Variants in ESPL1 observed in about 807,000 individuals in gnomAD.
The protein encoded by ESPL1 is extra spindle pole bodies like 1, separase.
In ESPL1, 50 loss-of-function variants were observed where a neutral mutation model predicts 217.2. That is an observed-to-expected ratio of 0.23 (90% CI 0.18 to 0.29). ESPL1 has a LOEUF of 0.29. ESPL1 is among the 10% of genes least tolerant of loss of function. The pLI is 1.00. For missense variants in ESPL1, 1,834 were observed against 2,603.0 expected, an observed-to-expected ratio of 0.70 and a Z score of 6.43; for synonymous variants, 994 against 1,081.3, an observed-to-expected ratio of 0.92 and a Z score of 1.58.
intron 17 of ESPL1, among the ~76,000 whole-genome samples, chr12:53,284,379 C>A (rs1943911168): frequency 6.6e-6 from 1 of 152,128 alleles, no homozygotes; most frequent in African/African-American, 2.4e-5. Context: ...TTCAGCCTCC[C>A]AAGTAGCTGG....
Position 53,274,812 on chromosome 12 carries a change from G to C in ESPL1, c.1507-5G>C. The C allele has an allele frequency of 6.2e-7, 1 of 1,613,316 alleles. No homozygotes were observed. The highest frequency in any genetic ancestry group is 8.5e-7 in the Non-Finnish European group (1 of 1,179,514). The stretch of plus-strand genomic sequence containing the variant: ...CAGTTTGGTCTGTTCCCTTTCTCTG[G>C]TCAGTTGCACAGGTGCTTCCGGCTA... On this transcript the variant is annotated splice_region_variant and splice_polypyrimidine_tract_variant and intron_variant, in intron 6 of 30. Coordinates refer to ENST00000257934, the MANE Select transcript of ESPL1 (RefSeq NM_012291.5).
rs1184139314 is a variant in ESPL1, at chr12:53,282,320, G to A, written c.2676G>A (p.Lys892=). The A allele has an allele frequency of 6.8e-6, 11 of 1,614,024 alleles. No homozygotes were observed. The highest frequency in any genetic ancestry group is 8.5e-6 in the Non-Finnish European group (10 of 1,180,032). The part of the protein sequence containing the change: ...LSVLRDPALQ[K]SSKAWYLLRV... ...TGCTTCGGGATCCTGCCCTCCAGAA[G>A]TCCTCCAAGGCTTGGTACTTGCTGC... Residue 892 remains lysine (K), a synonymous_variant, in exon 14 of 31, where the codon AAG becomes AAA. Coordinates refer to ENST00000257934, the MANE Select transcript of ESPL1 (RefSeq NM_012291.5). The surrounding 1 kb of genome is among the most constrained non-coding windows in gnomAD (Gnocchi z 4.0).
At position 53,277,540 on chromosome 12, in the gene ESPL1, A is replaced by G; in HGVS notation, c.2156A>G (p.Tyr719Cys). Reference sequence around the variant, plus strand: ...GAATTTGAAGTCAATGACCTGAACTATGAAGATAAACTCCAGGAAGATCGT... The same window carrying G: ...GAATTTGAAGTCAATGACCTGAACTGTGAAGATAAACTCCAGGAAGATCGT... ...LEEFEVNDLN[Y>C]EDKLQEDRFL... Residue 719 changes from tyrosine (Y) to cysteine (C), a missense_variant, in exon 10 of 31, where the codon TAT becomes TGT. Coordinates refer to ENST00000257934, the MANE Select transcript of ESPL1 (RefSeq NM_012291.5). 6.2e-7 allele frequency: 1 copy of G among 1,614,182 alleles called. No individual in the cohort carries two copies. The highest frequency in any genetic ancestry group is 8.5e-7 in the Non-Finnish European group (1 of 1,180,002).
In ESPL1 at chr12:53,284,187, T is replaced by A. The variant is rs752023845; in HGVS notation, c.3187+20T>A. On this transcript the variant is annotated intron_variant, in intron 17 of 30. Coordinates refer to ENST00000257934, the MANE Select transcript of ESPL1 (RefSeq NM_012291.5). The stretch of plus-strand genomic sequence containing the variant: ...GCACAGGTGAGCAGCCATGTCCCCA[T>A]GACCATAGGCGGTGCTGAAATGACA... The A allele has an allele frequency of 6.9e-7, 1 of 1,451,800 alleles. No individual in the cohort carries two copies. Among genetic ancestry groups the A allele is most frequent in the South Asian group, 1.1e-5 (1 of 87,848 alleles). 89.9% of individuals were successfully genotyped at this position (1,451,800 alleles called of 1,614,324 possible).
chr12:53,269,724 G>A lies in ESPL1; in HGVS notation c.782G>A (p.Arg261His), dbSNP rs901209167. 3.7e-6 allele frequency: 6 copies of A among 1,614,178 alleles called. No individual in the cohort carries two copies. Among genetic ancestry groups the A allele is most frequent in the Non-Finnish European group, 5.1e-6 (6 of 1,180,040 alleles). Reference protein sequence around the residue: ...LLELTLEHCRRFCWSRHHDKA... With the variant: ...LLELTLEHCRHFCWSRHHDKA... ...GAGCTCACCTTGGAACACTGCCGTCGCTTTTGCTGGAGCCGCCACCATGAC... is the reference window on the plus strand; with the variant it reads ...GAGCTCACCTTGGAACACTGCCGTCACTTTTGCTGGAGCCGCCACCATGAC... Residue 261 changes from arginine (R) to histidine (H), a missense_variant, in exon 3 of 31, where the codon CGC (arginine) becomes CAC (histidine). Around this residue, in one of 5 missense-constraint regions of ESPL1, gnomAD observed 746 missense variants for 1,077.0 expected, o/e 0.69. Transcript: ENST00000257934. This position sits in a 1 kb window ranked among gnomAD's most constrained non-coding sequence, Gnocchi z 6.7.
At position 53,288,541 on chromosome 12, in the gene ESPL1, G is replaced by C. The variant is rs779696049; in HGVS notation, c.4550G>C (p.Gly1517Ala). ...GSDGEDSASGGKTPAPGPEAA... is the reference protein window; with the variant it reads ...GSDGEDSASGAKTPAPGPEAA... ...AAAAGGCCTGCTCTCTCCCCAGGTG[G>C]GAAGACTCCAGCTCCGGGCCCTGAG... is the stretch of plus-strand genomic sequence containing the variant. Residue 1517 changes from glycine to alanine, a missense_variant, in exon 20 of 31, where the codon GGG becomes GCG. Gly to Ala is a moderately conservative substitution (Grantham distance 60). Around this residue, in one of 5 missense-constraint regions of ESPL1, gnomAD observed 681 missense variants for 808.0 expected, o/e 0.84. Coordinates refer to ENST00000257934, the MANE Select transcript of ESPL1 (RefSeq NM_012291.5). The C allele has an allele frequency of 2.5e-6, 4 of 1,609,690 alleles. No homozygotes were observed. The highest frequency in any genetic ancestry group is 3.4e-6 in the Non-Finnish European group (4 of 1,178,546).
chr12:53,288,117 C>T lies in ESPL1; in HGVS notation c.4322C>T (p.Ala1441Val), dbSNP rs1943983295. ...GLSLKTDAVVAPGSAPGNPGL... is the reference protein window; with the variant it reads ...GLSLKTDAVVVPGSAPGNPGL... ...AGCCTAAAGACGGATGCCGTGGTTG[C>T]CCCAGGTAGTGCCCCTGGGAACCCT... Residue 1441 changes from alanine to valine, a missense_variant, in exon 19 of 31, where the codon GCC becomes GTC. Physicochemically the swap from Ala to Val is moderately conservative, Grantham distance 64. Around this residue, in one of 5 missense-constraint regions of ESPL1, gnomAD observed 681 missense variants for 808.0 expected, o/e 0.84. Transcript: ENST00000257934. 6.2e-7 allele frequency: 1 copy of T among 1,613,188 alleles called. No homozygotes were observed. Among genetic ancestry groups the T allele is most frequent in the Non-Finnish European group, 8.5e-7 (1 of 1,179,662 alleles).
chr12:53,272,084 C>T (rs565125249), intron 5 of ESPL1, among the ~76,000 whole-genome samples: 167 of 63,596 alleles, frequency 2.6e-3, no homozygotes, highest in African/African-American at 0.015. Flanking sequence ...AAGACTCTGT[C>T]TCAAAAAAAA....
At position 53,284,104 on chromosome 12, in the gene ESPL1, A is replaced by G; in HGVS notation, c.3124A>G (p.Asn1042Asp). 2 of 1,614,110 alleles carry G rather than the reference A, an allele frequency of 1.2e-6. No individual in the cohort carries two copies. The highest frequency in any genetic ancestry group is 1.7e-6 in the Non-Finnish European group (2 of 1,179,992). Reference protein sequence around the residue: ...VLKGELELARNDIDLCQSDLQ... With the variant: ...VLKGELELARDDIDLCQSDLQ... ...GAAGGGCGAGCTGGAGCTGGCCCGC[A>G]ATGACATTGATCTCTGTCAGTCGGA... Residue 1042 changes from asparagine (N) to aspartate (D), a missense_variant, in exon 17 of 31, where the codon AAT becomes GAT. Physicochemically the swap from Asn to Asp is conservative, Grantham distance 23. Transcript: ENST00000257934.
intron 5 of ESPL1, 104 bp from the exon 6 acceptor site, chr12:53,272,617 G>A: frequency 7.5e-7 from 1 of 1,331,126 alleles, no homozygotes; most frequent in Non-Finnish European, 1.0e-6. Flanking sequence ...TGATCTGGAA[G>A]CTGCTGAACT....
intron 5 of ESPL1, among the ~76,000 whole-genome samples, chr12:53,271,172 GTTTTT>G (rs1555185860): frequency 1.7e-5 from 2 of 117,754 alleles, no homozygotes; most frequent in African/African-American, 6.5e-5. Flanking sequence ...ATATTTAAGT[GTTTTT>G]TTTTTTTTTT....
chr12:53,291,821 A>G lies in ESPL1; in HGVS notation c.5652A>G (p.Thr1884=), dbSNP rs760990800. 1.0e-5 allele frequency: 16 copies of G among 1,597,460 alleles called. 1 individual carries two copies. The South Asian group carries it at 1.6e-4, about 16-fold the overall frequency. ...CAGTAGGACGTCTACAGGGCCTGACAGTACCAAGCAATAGCCACCTTGTCT... is the reference window on the plus strand; with the variant it reads ...CAGTAGGACGTCTACAGGGCCTGACGGTACCAAGCAATAGCCACCTTGTCT... ...NEAVGRLQGL[T]VPSNSHLVLV... Residue 1884 remains threonine, a synonymous_variant, in exon 26 of 31, where the codon ACA becomes ACG. Coordinates refer to ENST00000257934, the MANE Select transcript of ESPL1 (RefSeq NM_012291.5).
Position 53,269,298 on chromosome 12 carries a change from G to A in ESPL1, c.356G>A (p.Arg119His). 1.2e-6 allele frequency: 2 copies of A among 1,614,138 alleles called. No individual in the cohort carries two copies. Among genetic ancestry groups the A allele is most frequent in the Non-Finnish European group, 1.7e-6 (2 of 1,180,044 alleles). Residue 119 changes from arginine (R) to histidine (H), a missense_variant, in exon 3 of 31, where the codon CGC (arginine) becomes CAC (histidine). Transcript: ENST00000257934. The surrounding 1 kb of genome is among the most constrained non-coding windows in gnomAD (Gnocchi z 6.7). Reference protein sequence around the residue: ...AAQGSPEATLRLAQPLHACLV... With the variant: ...AAQGSPEATLHLAQPLHACLV... ...CAAGGAAGCCCAGAGGCCACACTCC[G>A]CCTTGCTCAGCCCCTCCATGCCTGC...
rs768591854 is a variant in ESPL1 at position 53,288,709 on chromosome 12, C to T, written c.4708+10C>T. On this transcript the variant is annotated intron_variant, in intron 20 of 30. Transcript: ENST00000257934. Reference sequence around the variant, plus strand: ...GCCCCCGTAGCCACTGGTGAATATGCGACCCCTGATGTTGGTCACTTGGAG... The same window carrying T: ...GCCCCCGTAGCCACTGGTGAATATGTGACCCCTGATGTTGGTCACTTGGAG... The T allele has an allele frequency of 9.3e-6, 15 of 1,604,402 alleles. No individual in the cohort carries two copies. The highest frequency in any genetic ancestry group is 4.0e-5 in the African/African-American group (3 of 74,428).
At chr12:53,275,460 C>CA (rs1203120672) in intron 7 of ESPL1, among the ~76,000 whole-genome samples, 3 of 150,642 alleles carry the variant, frequency 2.0e-5, no homozygotes, top group East Asian at 1.9e-4. Context: ...GACTCCATCT[C>CA]AAAAAAAAAG....
Position 53,293,268 on chromosome 12 carries a change from C to G in ESPL1, c.6162-5C>G, listed in dbSNP as rs778157784. On this transcript the variant is annotated splice_polypyrimidine_tract_variant and splice_region_variant and intron_variant, in intron 30 of 30. Coordinates refer to ENST00000257934, the MANE Select transcript of ESPL1 (RefSeq NM_012291.5). The surrounding 1 kb of genome is among the most constrained non-coding windows in gnomAD (Gnocchi z 4.2). The stretch of plus-strand genomic sequence containing the variant: ...ACTTTGTATTTCCTCCTTTTCTTTT[C>G]CCAGCCCCTTGTTTCTGGGTAATCT... 6.2e-7 allele frequency: 1 copy of G among 1,611,976 alleles called. No individual in the cohort carries two copies. Among genetic ancestry groups the G allele is most frequent in the Non-Finnish European group, 8.5e-7 (1 of 1,178,362 alleles).
chr12:53,278,811 G>A (rs1943814803), intron 11 of ESPL1, among the ~76,000 whole-genome samples: 1 of 151,790 alleles, frequency 6.6e-6, no homozygotes, highest in South Asian at 2.1e-4. Flanking sequence ...GGCCGGTCTC[G>A]ATCTCCTCAG....
chr12:53,291,569 C>T (rs1029924996), intron 25 of ESPL1, 121 bp from the exon 26 acceptor site: 33 of 1,093,312 alleles, frequency 3.0e-5, no homozygotes, highest in African/African-American at 2.2e-4. Flanking sequence ...CCAGCCTGGG[C>T]GACAGAGCAA....
intron 2 of ESPL1, 80 bp from the exon 3 acceptor site, chr12:53,268,944 T>A (rs1943616708): frequency 6.7e-7 from 1 of 1,492,982 alleles, no homozygotes; most frequent in Non-Finnish European, 9.3e-7. Flanking sequence ...CGACCCTCTC[T>A]GAGTAACCCT....
Sources: gnomAD v4.1 joint callset for allele counts (sites outside exome capture counted in the v4.1 genomes callset) on GRCh38, gnomAD v4.1.1 for gene constraint, gnomAD v4.1.1 regional missense constraint, Gnocchi (gnomAD v3.1) non-coding constraint, MANE v1.5 for transcripts, NCBI Gene and HGNC (gene_info 2026-07-23, HGNC 2026-07-21) for gene names.